Variants in SRM observed in about 807,000 individuals in gnomAD.
SRM encodes the protein spermidine synthase.
SRM carries 14 observed loss-of-function variants against 39.3 expected under a neutral mutation model. That is an observed-to-expected ratio of 0.36 (90% CI 0.24 to 0.56). The LOEUF is 0.56. Ranked by LOEUF, SRM falls within the 20% of genes least tolerant of loss-of-function variation. The pLI is 0.86. For synonymous variants in SRM, 195 were observed against 173.1 expected (o/e 1.13, Z -0.99); for missense variants, 244 against 409.2 (o/e 0.60, Z 3.48).
chr1:11,054,764 C>G lies in SRM; in HGVS notation c.*101G>C. ...GGGCTTGTAACACTTGGTTGGTGGG[C>G]GAGAGCCAGCAGGAGGTCCGGCCCG... is the stretch of plus-strand genomic sequence containing the variant. On this transcript the variant is annotated 3_prime_UTR_variant, in exon 8 of 8. Transcript: ENST00000376957. The surrounding 1 kb of genome is among the most constrained non-coding windows in gnomAD (Gnocchi z 4.8). 2 of 1,470,330 alleles carry G rather than the reference C, an allele frequency of 1.4e-6. No homozygotes were observed. The highest frequency in any genetic ancestry group is 1.8e-6 in the Non-Finnish European group (2 of 1,104,038). The allele number at this position is 1,470,330 out of a possible 1,614,324, so 91.1% of individuals were successfully genotyped here.
At chr1:11,059,568 G>A in intron 1 of SRM, 3 of 917,034 alleles carry the variant, frequency 3.3e-6, no homozygotes, top group South Asian at 1.7e-5. Flanking sequence ...CTGACACGTG[G>A]AGCGGGGCGC....
Position 11,054,915 on chromosome 1 carries a change from C to T in SRM, c.889-30G>A, listed in dbSNP as rs1340696872. On this transcript the variant is annotated intron_variant, in intron 7 of 7. Transcript: ENST00000376957. This position sits in a 1 kb window ranked among gnomAD's most constrained non-coding sequence, Gnocchi z 4.8. ...AGGGACATGAGGCCAGTCAGGAGGG[C>T]GCTCTGGGTCCCTGGGTCCCACCAC... The T allele has an allele frequency of 1.3e-5, 21 of 1,611,326 alleles. No individual in the cohort carries two copies. Among genetic ancestry groups the T allele is most frequent in the Admixed American group, 8.3e-5 (5 of 59,926 alleles).
chr1:11,055,126 T>A, intron 6 of SRM, 42 bp from the exon 7 acceptor site: 1 of 1,522,858 alleles, frequency 6.6e-7, no homozygotes. Flanking sequence ...GGCACTTTTT[T>A]TTTTTTTTTT....
intron 3 of SRM, among the ~76,000 whole-genome samples, chr1:11,057,489 G>C (rs1302652608): frequency 7.4e-6 from 1 of 134,700 alleles, no homozygotes; most frequent in Non-Finnish European, 1.6e-5. Flanking sequence ...ATTTTTAGTA[G>C]AGACCTTGTG....
Sources: gnomAD v4.1 joint callset for allele counts (sites outside exome capture counted in the v4.1 genomes callset) on GRCh38, gnomAD v4.1.1 for gene constraint, Gnocchi (gnomAD v3.1) non-coding constraint, MANE v1.5 for transcripts, NCBI Gene and HGNC (gene_info 2026-07-23, HGNC 2026-07-21) for gene names.